Variants in FILIP1L observed in about 807,000 individuals in gnomAD.
The protein encoded by FILIP1L is filamin A interacting protein 1 like, also known as filamin A-interacting protein 1-like.
In FILIP1L, 55 loss-of-function variants were observed where a neutral mutation model predicts 96.6. The observed-to-expected ratio is 0.57, with a 90% CI of 0.46 to 0.71. The LOEUF (loss-of-function observed/expected upper bound fraction) is 0.71, where lower values mean the gene tolerates loss of function less well. FILIP1L is among the 30% of genes least tolerant of loss of function. FILIP1L has a pLI of 0.00. For synonymous variants in FILIP1L, 467 were observed against 473.9 expected, an observed-to-expected ratio of 0.99 and a Z score of 0.19; for missense variants, 1,304 against 1,321.2, an observed-to-expected ratio of 0.99 and a Z score of 0.20.
Position 100,101,814 on chromosome 3 carries a change from C to T in FILIP1L, c.-11+12239G>A, listed in dbSNP as rs1027568027. 2.0e-5 allele frequency among the ~76,000 whole-genome samples: 3 copies of T among 152,092 alleles called. No individual in the cohort carries two copies. In the South Asian group the frequency reaches 6.2e-4, roughly 32 times the overall value. On this transcript the variant is annotated intron_variant, in intron 1 of 5. Transcript: ENST00000477258. Reference sequence around the variant, plus strand: ...GGCCCCAGTGTGTGATGTTCCCCTTCCTGTGTCCATGTGTTCTCATTGTTC... The same window carrying T: ...GGCCCCAGTGTGTGATGTTCCCCTTTCTGTGTCCATGTGTTCTCATTGTTC...
chr3:100,021,270 A>G (rs2064812480), intron 1 of FILIP1L, among the ~76,000 whole-genome samples: 1 of 152,150 alleles, frequency 6.6e-6, no homozygotes, highest in Non-Finnish European at 1.5e-5. Flanking sequence ...CTCTCCTTAT[A>G]TATAATAAGT....
Position 99,850,121 on chromosome 3 carries a change from G to T in FILIP1L, c.1555C>A (p.Gln519Lys). 6.2e-7 allele frequency: 1 copy of T among 1,612,578 alleles called. No individual in the cohort carries two copies. Among genetic ancestry groups the T allele is most frequent in the Admixed American group, 1.7e-5 (1 of 59,774 alleles). ...EKLKKTEDKL[Q>K]AASSQLQVEQ... is the part of the protein sequence containing the mutation. Reference sequence around the variant, plus strand: ...ACTTGAAGCTGAGAAGAAGCAGCTTGTAATTTATCTTCAGTTTTCTTTAAT... The same window carrying T: ...ACTTGAAGCTGAGAAGAAGCAGCTTTTAATTTATCTTCAGTTTTCTTTAAT... The change falls in exon 5 of 6, where the codon CAA becomes AAA. Residue 519 changes from glutamine (Q) to lysine (K), a missense_variant. Transcript: ENST00000477258.
chr3:100,045,020 C>T (rs2065257274), intron 1 of FILIP1L, among the ~76,000 whole-genome samples: 1 of 152,200 alleles, frequency 6.6e-6, no homozygotes, highest in South Asian at 2.1e-4. Context: ...AGATCCTAAG[C>T]TCAGTTTGGA....
At chr3:99,875,410 TGTAA>T (rs1236988997) in intron 4 of FILIP1L, among the ~76,000 whole-genome samples, 2 of 152,240 alleles carry the variant, frequency 1.3e-5, no homozygotes, top group East Asian at 1.9e-4. Context: ...AAATGATAGC[TGTAA>T]GTGAGGTTTG....
At chr3:99,847,061 A>G (rs538533302) in intron 5 of FILIP1L, among the ~76,000 whole-genome samples, 1 of 152,338 alleles carries the variant, frequency 6.6e-6, no homozygotes, top group South Asian at 2.1e-4. Flanking sequence ...AGTTATTCTC[A>G]TCTATATTGT....
At chr3:99,892,077 T>G (rs1706099940) in intron 4 of FILIP1L, among the ~76,000 whole-genome samples, 1 of 152,222 alleles carries the variant, frequency 6.6e-6, no homozygotes, top group Non-Finnish European at 1.5e-5. Flanking sequence ...GTCTAAGAGC[T>G]TCTGCTATGC....
At chr3:99,936,114 T>C (rs1483683429) in intron 1 of FILIP1L, among the ~76,000 whole-genome samples, 2 of 152,136 alleles carry the variant, frequency 1.3e-5, no homozygotes, top group African/African-American at 4.8e-5. Context: ...TGTTTTAGAA[T>C]TGTGGATGTG....
chr3:100,081,583 C>T (rs547783747), intron 1 of FILIP1L, among the ~76,000 whole-genome samples: 4 of 152,246 alleles, frequency 2.6e-5, no homozygotes, highest in Admixed American at 1.3e-4. Flanking sequence ...GTAGTTTGGC[C>T]TCTGCACCCT....
At chr3:100,037,865 A>T (rs1264544814) in intron 1 of FILIP1L, among the ~76,000 whole-genome samples, 2 of 151,908 alleles carry the variant, frequency 1.3e-5, no homozygotes, top group African/African-American at 4.8e-5. Context: ...TTTCTTCCTC[A>T]CAATTACCTG....
intron 1 of FILIP1L, among the ~76,000 whole-genome samples, chr3:99,935,515 G>A (rs1201820422): frequency 1.3e-5 from 2 of 152,304 alleles, no homozygotes; most frequent in East Asian, 3.9e-4. Flanking sequence ...GCCAGGGTCT[G>A]TGTTGTTGCT....
At position 100,029,323 on chromosome 3, in the gene FILIP1L, A is replaced by G. The variant is rs151102175; in HGVS notation, c.-11+84730T>C. 1.1e-3 allele frequency among the ~76,000 whole-genome samples: 162 copies of G among 152,216 alleles called. 3 individuals are homozygous for G. In the East Asian group the frequency reaches 0.022, roughly 21 times the overall value. ...TACAGAAAAGCTTTGTTTTAGTCAC[A>G]TAACACTATTGATTTTGATTATGAT... On this transcript the variant is annotated intron_variant, in intron 1 of 5. Transcript: ENST00000477258.
At chr3:100,077,089 G>C (rs964183821) in intron 1 of FILIP1L, among the ~76,000 whole-genome samples, 2 of 152,158 alleles carry the variant, frequency 1.3e-5, no homozygotes, top group East Asian at 3.8e-4. Flanking sequence ...GTCTCCCAAG[G>C]TCACAGACAG....
At chr3:100,072,829 A>G (rs1260278019) in intron 1 of FILIP1L, among the ~76,000 whole-genome samples, 5 of 152,150 alleles carry the variant, frequency 3.3e-5, no homozygotes, top group South Asian at 2.1e-4. Context: ...AGTCACTTCA[A>G]TACAAGAAAT....
chr3:99,916,327 T>C (rs1253382587), intron 4 of FILIP1L, among the ~76,000 whole-genome samples: 1 of 152,118 alleles, frequency 6.6e-6, no homozygotes, highest in Non-Finnish European at 1.5e-5. Context: ...AGCTTTCAGG[T>C]CTTTCGGCTA....
chr3:100,076,867 T>C (rs187206801), intron 1 of FILIP1L, among the ~76,000 whole-genome samples: 208 of 152,350 alleles, frequency 1.4e-3, no homozygotes, highest in Admixed American at 2.4e-3. Context: ...TCTGCTATCA[T>C]TTCTTGCCCA....
chr3:99,966,829 G>A (rs536268320), intron 1 of FILIP1L, among the ~76,000 whole-genome samples: 4 of 152,262 alleles, frequency 2.6e-5, no homozygotes, highest in African/African-American at 7.2e-5. Context: ...AGAGCATGCC[G>A]TACTTGAACG....
intron 1 of FILIP1L, among the ~76,000 whole-genome samples, chr3:100,032,773 G>A (rs1340741613): frequency 1.3e-5 from 2 of 152,100 alleles, no homozygotes; most frequent in Non-Finnish European, 2.9e-5. Context: ...TTGCATAAAT[G>A]GTAATGCAGT....
At chr3:100,078,856 A>C (rs1008346400) in intron 1 of FILIP1L, among the ~76,000 whole-genome samples, 3 of 152,120 alleles carry the variant, frequency 2.0e-5, no homozygotes, top group Middle Eastern at 3.2e-3. Flanking sequence ...ACACCACTGC[A>C]CTCCAGCCTG....
At chr3:100,025,194 G>T (rs1451160372) in intron 1 of FILIP1L, among the ~76,000 whole-genome samples, 1 of 152,140 alleles carries the variant, frequency 6.6e-6, no homozygotes, top group Non-Finnish European at 1.5e-5. Flanking sequence ...ATTTTCCTAT[G>T]CCTATAGTAG....
Sources: gnomAD v4.1 joint callset for allele counts (sites outside exome capture counted in the v4.1 genomes callset) on GRCh38, gnomAD v4.1.1 for gene constraint, MANE v1.5 for transcripts, NCBI Gene and HGNC (gene_info 2026-07-23, HGNC 2026-07-21) for gene names.